The following TTC39B variants were observed in gnomAD, a reference collection of about 807,000 sequenced individuals.
TTC39B encodes tetratricopeptide repeat domain 39B.
TTC39B carries 92 observed loss-of-function variants against 96.6 expected under a neutral mutation model. The observed-to-expected ratio is 0.95, with a 90% CI of 0.80 to 1.13. TTC39B has a LOEUF of 1.13. Ranked by LOEUF, TTC39B falls within the 50% of genes most tolerant of loss-of-function variation. TTC39B has a pLI of 0.00. For missense variants in TTC39B, 955 were observed against 809.3 expected (o/e 1.18, Z -2.18); for synonymous variants, 367 against 299.4 (o/e 1.23, Z -2.33).
At chr9:15,251,828 T>C (rs1822571333) in intron 2 of TTC39B, among the ~76,000 whole-genome samples, 1 of 151,070 alleles carries the variant, frequency 6.6e-6, no homozygotes, top group Non-Finnish European at 1.5e-5. Context: ...TATGATTATT[T>C]ACCCAAAAAT....
At chr9:15,203,855 G>T in exon 7 of TTC39B, 1 of 1,613,394 alleles carries the variant, frequency 6.2e-7, no homozygotes, top group Non-Finnish European at 8.5e-7. Context: ...TTCTGTAGGA[G>T]ACACTCGGCA....
intron 14 of TTC39B, 64 bp from the exon 15 acceptor site, chr9:15,187,099 A>G: frequency 8.3e-7 from 1 of 1,208,392 alleles, no homozygotes; most frequent in Middle Eastern, 2.0e-4. Flanking sequence ...TACCTTTCAA[A>G]TCAGGAATGA....
intron 15 of TTC39B, 35 bp from the exon 16 acceptor site, chr9:15,185,441 T>A (rs1473209484): frequency 6.2e-7 from 1 of 1,611,024 alleles, no homozygotes; most frequent in Non-Finnish European, 8.5e-7. Flanking sequence ...CAGAGAAAGG[T>A]CATGGCAACA....
chr9:15,201,116 C>T (rs1030252710), intron 7 of TTC39B, among the ~76,000 whole-genome samples: 3 of 152,070 alleles, frequency 2.0e-5, no homozygotes, highest in Non-Finnish European at 4.4e-5. Flanking sequence ...TCATTAATTG[C>T]TTAAATATTT....
intron 1 of TTC39B, 46 bp downstream of exon 1, chr9:15,307,038 G>C (rs762844201): frequency 7.5e-6 from 12 of 1,595,910 alleles, no homozygotes; most frequent in South Asian, 3.4e-5. Context: ...CCGGACTCCT[G>C]TCCAGGGCTT....
exon 20 of TTC39B, chr9:15,168,866 G>A (rs914331498): frequency 2.6e-5 from 4 of 152,048 alleles, no homozygotes; most frequent in Admixed American, 2.0e-4. Flanking sequence ...TATTAACACC[G>A]GGGATTGTTA....
At chr9:15,280,376 A>C (rs534772054) in intron 1 of TTC39B, among the ~76,000 whole-genome samples, 1 of 152,368 alleles carries the variant, frequency 6.6e-6, no homozygotes, top group East Asian at 1.9e-4. Flanking sequence ...TGCGCAATGA[A>C]TGAAACATCA....
In TTC39B at chr9:15,267,363, T is replaced by A. The variant is rs575752542; in HGVS notation, c.275+551A>T. On this transcript the variant is annotated intron_variant, in intron 2 of 19. Coordinates refer to ENST00000512701, the Ensembl canonical transcript of TTC39B. ...AACATATTCATCCCTTTTAATTCAG[T>A]AATCCTACATTTGTTATGTTAACCT... Among the ~76,000 whole-genome samples, 268 of 152,384 alleles carry A rather than the reference T, an allele frequency of 1.8e-3. 2 individuals carry two copies. Among genetic ancestry groups the A allele is most frequent in the Non-Finnish European group, 3.3e-3 (223 of 68,036 alleles).
At chr9:15,180,606 G>A (rs1003851129) in intron 17 of TTC39B, among the ~76,000 whole-genome samples, 1 of 152,176 alleles carries the variant, frequency 6.6e-6, no homozygotes, top group Admixed American at 6.5e-5. Context: ...AATAATGGGG[G>A]TGGGGGATGG....
chr9:15,174,972 A>T (rs745806459), intron 19 of TTC39B, 47 bp downstream of exon 19: 1 of 1,246,580 alleles, frequency 8.0e-7, no homozygotes, highest in South Asian at 1.2e-5. Flanking sequence ...CAGTACTGAC[A>T]TTTCTGACTC....
chr9:15,274,686 G>A (rs971154000), intron 1 of TTC39B, among the ~76,000 whole-genome samples: 3 of 152,012 alleles, frequency 2.0e-5, no homozygotes, highest in Admixed American at 1.3e-4. Context: ...AACAAAACAT[G>A]ACCTTCTCAA....
chr9:15,242,074 A>C (rs954631809), intron 2 of TTC39B, among the ~76,000 whole-genome samples: 13 of 152,194 alleles, frequency 8.5e-5, no homozygotes, highest in Non-Finnish European at 1.9e-4. Flanking sequence ...AAATATAATT[A>C]TCTCTTAATC....
chr9:15,167,009 TA>T lies in TTC39B; in HGVS notation c.*5009del, dbSNP rs1564299807. ...ATATATATATATATATATATATATATATATATATATATATATATATTTTTTT... is the reference window on the plus strand; with the variant it reads ...ATATATATATATATATATATATATATTATATATATATATATATATTTTTTT... On this transcript the variant is annotated 3_prime_UTR_variant, in exon 20 of 20. Transcript: ENST00000512701. 39 of 7,608 alleles carry T rather than the reference TA, an allele frequency of 5.1e-3. 4 individuals are homozygous for T. Among genetic ancestry groups the T allele is most frequent in the Middle Eastern group, 0.024 (1 of 42 alleles). 0.5% of individuals were successfully genotyped at this position (7,608 alleles called of 1,614,324 possible). A position where few individuals can be genotyped will look rare whatever the true frequency, so the allele number is the denominator to read the frequency against.
chr9:15,233,943 G>C (rs1003590579), intron 2 of TTC39B, among the ~76,000 whole-genome samples: 3 of 151,732 alleles, frequency 2.0e-5, no homozygotes, highest in Non-Finnish European at 2.9e-5. Flanking sequence ...TCCCATCTAG[G>C]AAGTGAGGAG....
chr9:15,233,739 C>T (rs1183423581), intron 2 of TTC39B, among the ~76,000 whole-genome samples: 1 of 152,208 alleles, frequency 6.6e-6, no homozygotes, highest in Non-Finnish European at 1.5e-5. Context: ...GCCTTGGCCT[C>T]CCAAAGAGCC....
At chr9:15,239,095 G>A (rs1420440301) in intron 2 of TTC39B, among the ~76,000 whole-genome samples, 1 of 151,910 alleles carries the variant, frequency 6.6e-6, no homozygotes, top group East Asian at 1.9e-4. Flanking sequence ...TAAAAACTGG[G>A]CAAAAGGCCT....
Position 15,178,671 on chromosome 9 carries a change from G to T in TTC39B, c.1724-857C>A, listed in dbSNP as rs537556114. Among the ~76,000 whole-genome samples, 5 of 152,278 alleles carry T rather than the reference G, an allele frequency of 3.3e-5. No individual in the cohort carries two copies. The East Asian group carries it at 9.7e-4, about 29-fold the overall frequency. On this transcript the variant is annotated intron_variant, in intron 17 of 19. Transcript: ENST00000512701. ...TTCACTTTAAAATATTCTTCAGGTG[G>T]TCACGCTCTGAGCTTTGTGACCTTA...
At chr9:15,168,142 C>A (rs1817561861) in exon 20 of TTC39B, 1 of 152,228 alleles carries the variant, frequency 6.6e-6, no homozygotes, top group Non-Finnish European at 1.5e-5. Flanking sequence ...TGAGTGAATG[C>A]TTCCTCAGCA....
intron 4 of TTC39B, among the ~76,000 whole-genome samples, chr9:15,212,872 A>T (rs1483604630): frequency 6.6e-6 from 1 of 152,238 alleles, no homozygotes; most frequent in African/African-American, 2.4e-5. Flanking sequence ...ACAAAAATAC[A>T]GTTAAATGGA....
Sources: gnomAD v4.1 joint callset for allele counts (sites outside exome capture counted in the v4.1 genomes callset) on GRCh38, gnomAD v4.1.1 for gene constraint, MANE v1.5 for transcripts, NCBI Gene and HGNC (gene_info 2026-07-23, HGNC 2026-07-21) for gene names.